CNTN5: variants seen among roughly 807,000 people sequenced by gnomAD.
The protein encoded by CNTN5 is contactin-5.
CNTN5 carries 77 observed loss-of-function variants against 129.1 expected under a neutral mutation model. The observed-to-expected ratio is 0.60, with a 90% CI of 0.50 to 0.72. The LOEUF is 0.72. Ranked by LOEUF, CNTN5 falls within the 30% of genes least tolerant of loss-of-function variation. The pLI is 0.00. For synonymous variants in CNTN5, 509 were observed against 465.6 expected, an observed-to-expected ratio of 1.09 and a Z score of -1.20; for missense variants, 1,478 against 1,328.8, an observed-to-expected ratio of 1.11 and a Z score of -1.75.
intron 2 of CNTN5, among the ~76,000 whole-genome samples, chr11:99,365,717 T>G (rs928020658): frequency 6.6e-6 from 1 of 152,170 alleles, no homozygotes; most frequent in Non-Finnish European, 1.5e-5. Context: ...TTCATTTTGG[T>G]ATTTCCAATG....
At chr11:99,637,642 T>C (rs933637703) in intron 3 of CNTN5, among the ~76,000 whole-genome samples, 4 of 152,118 alleles carry the variant, frequency 2.6e-5, no homozygotes, top group African/African-American at 9.7e-5. Context: ...TTTTTAAACT[T>C]CTCACGTTTT....
rs78169521 is a variant in CNTN5 at position 99,646,575 on chromosome 11, T to C, written c.55+90306T>C. On this transcript the variant is annotated intron_variant, in intron 3 of 24. Transcript: ENST00000524871. ...TTTGGCTGACTGGTCAATATGACTA[T>C]TTAGAACATAAAGTTGGCATGCACT... Among the ~76,000 whole-genome samples the C allele has an allele frequency of 6.9e-3, 1,051 of 152,270 alleles. 70 individuals carry two copies. In the East Asian group the frequency reaches 0.17, roughly 24 times the overall value.
intron 1 of CNTN5, among the ~76,000 whole-genome samples, chr11:99,243,689 C>G (rs943916546): frequency 2.0e-5 from 3 of 149,754 alleles, no homozygotes; most frequent in African/African-American, 7.4e-5. Context: ...TAGTTTCCAG[C>G]TATCCCAGTA....
At chr11:99,305,650 A>T (rs943295824) in intron 1 of CNTN5, among the ~76,000 whole-genome samples, 1 of 152,182 alleles carries the variant, frequency 6.6e-6, no homozygotes, top group Non-Finnish European at 1.5e-5. Context: ...CATTTATATA[A>T]TAAGAAGAAA....
intron 1 of CNTN5, among the ~76,000 whole-genome samples, chr11:99,242,748 T>C (rs1861623697): frequency 6.6e-6 from 1 of 152,146 alleles, no homozygotes; most frequent in Admixed American, 6.5e-5. Flanking sequence ...TTGTTTTCTG[T>C]CCCTGCATTA....
intron 3 of CNTN5, among the ~76,000 whole-genome samples, chr11:99,789,370 G>T (rs1203097072): frequency 6.6e-6 from 1 of 151,920 alleles, no homozygotes; most frequent in African/African-American, 2.4e-5. Flanking sequence ...ATGAACAACA[G>T]AACTGGGGTT....
intron 1 of CNTN5, among the ~76,000 whole-genome samples, chr11:99,261,030 T>C (rs1862602866): frequency 6.6e-6 from 1 of 151,904 alleles, no homozygotes; most frequent in African/African-American, 2.4e-5. Context: ...AATGATCCCC[T>C]TTTTCAATTG....
intron 13 of CNTN5, among the ~76,000 whole-genome samples, chr11:100,162,623 A>G (rs1017301157): frequency 2.6e-5 from 4 of 151,812 alleles, no homozygotes; most frequent in African/African-American, 9.7e-5. Context: ...CATTCACACA[A>G]CTAGATCAGG....
chr11:100,224,642 A>C, intron 15 of CNTN5, 50 bp from the exon 16 acceptor site: 2 of 1,576,850 alleles, frequency 1.3e-6, no homozygotes, highest in Non-Finnish European at 1.7e-6. Flanking sequence ...AGCCACCTTG[A>C]ACTAGGCAGA....
intron 13 of CNTN5, among the ~76,000 whole-genome samples, chr11:100,187,344 G>A (rs1948328758): frequency 6.6e-6 from 1 of 151,518 alleles, no homozygotes; most frequent in African/African-American, 2.4e-5. Context: ...GGAAAAATCA[G>A]TATTAAAATG....
chr11:99,222,521 C>G (rs1232057880), intron 1 of CNTN5, among the ~76,000 whole-genome samples: 3 of 151,870 alleles, frequency 2.0e-5, no homozygotes, highest in South Asian at 4.1e-4. Flanking sequence ...TCAAATCAAC[C>G]TTATGAACAT....
intron 6 of CNTN5, among the ~76,000 whole-genome samples, chr11:99,892,824 T>G (rs1180227040): frequency 2.6e-5 from 4 of 152,134 alleles, no homozygotes; most frequent in African/African-American, 9.7e-5. Context: ...CTTTTTTGGT[T>G]CCATATGAAG....
At chr11:100,268,768 T>C (rs2138775093) in intron 17 of CNTN5, among the ~76,000 whole-genome samples, 1 of 152,250 alleles carries the variant, frequency 6.6e-6, no homozygotes. Flanking sequence ...TTTGAAGTCA[T>C]AGATGCCATA....
At chr11:99,796,003 G>T (rs546787077) in intron 3 of CNTN5, among the ~76,000 whole-genome samples, 3 of 152,266 alleles carry the variant, frequency 2.0e-5, no homozygotes, top group East Asian at 1.9e-4. Context: ...TGCATTAGCT[G>T]GGGTGGGGCA....
chr11:99,400,877 C>T (rs756196297), intron 2 of CNTN5, among the ~76,000 whole-genome samples: 3 of 152,040 alleles, frequency 2.0e-5, no homozygotes, highest in South Asian at 4.1e-4. Context: ...TTTATGTATT[C>T]GTTTGAGAAA....
At position 100,355,270 on chromosome 11, in the gene CNTN5, A is replaced by G. The variant is rs1315146022; in HGVS notation, c.3200-847A>G. On this transcript the variant is annotated intron_variant, in intron 24 of 24. Coordinates refer to ENST00000524871, the MANE Select transcript of CNTN5 (RefSeq NM_014361.4). ...CAAACATCCACATTAGCATAGGCTTAGGCCTAGGTCAGGATCATCAATATC... is the reference window on the plus strand; with the variant it reads ...CAAACATCCACATTAGCATAGGCTTGGGCCTAGGTCAGGATCATCAATATC... Among the ~76,000 whole-genome samples the G allele has an allele frequency of 2.0e-5, 3 of 151,706 alleles. No homozygotes were observed. The East Asian group carries it at 5.8e-4, about 29-fold the overall frequency.
chr11:99,058,550 A>G (rs1864732455), intron 1 of CNTN5, among the ~76,000 whole-genome samples: 1 of 152,018 alleles, frequency 6.6e-6, no homozygotes, highest in African/African-American at 2.4e-5. Flanking sequence ...AGAAAGTTAC[A>G]TGCCAGGATT....
intron 2 of CNTN5, among the ~76,000 whole-genome samples, chr11:99,476,310 C>A (rs774334762): frequency 1.4e-4 from 21 of 152,012 alleles, no homozygotes; most frequent in Non-Finnish European, 2.5e-4. Flanking sequence ...TTAGAGCATT[C>A]TTTGGCTCTG....
At chr11:99,172,118 G>A (rs75563934) in intron 1 of CNTN5, among the ~76,000 whole-genome samples, 2,073 of 152,226 alleles carry the variant, frequency 0.014, 44 homozygotes, top group African/African-American at 0.048. Flanking sequence ...GAGAAGCAGC[G>A]TGTCAGAAAC....
Sources: allele counts gnomAD v4.1 joint callset (sites outside exome capture counted in the v4.1 genomes callset), GRCh38; gene constraint gnomAD v4.1.1; transcripts MANE v1.5; gene names NCBI Gene and HGNC (gene_info 2026-07-23, HGNC 2026-07-21).